Variants in EYA4 observed in about 807,000 individuals in gnomAD.
EYA4 encodes EYA transcriptional coactivator and phosphatase 4.
EYA4 carries 31 observed loss-of-function variants against 87.9 expected under a neutral mutation model. That is an observed-to-expected ratio of 0.35 (90% CI 0.27 to 0.48). EYA4 has a LOEUF of 0.48. Among genes scored for constraint, EYA4 ranks in the 20% least tolerant of loss-of-function variants. The pLI is 0.99. For synonymous variants in EYA4, 263 were observed against 270.6 expected (o/e 0.97, Z 0.28); for missense variants, 678 against 761.4 (o/e 0.89, Z 1.29).
intron 13 of EYA4, among the ~76,000 whole-genome samples, chr6:133,489,165 T>C (rs968987301): frequency 1.3e-5 from 2 of 151,908 alleles, no homozygotes; most frequent in Non-Finnish European, 2.9e-5. Flanking sequence ...AAAAAAGAAT[T>C]AGTGAGCTTG....
At chr6:133,424,942 A>G (rs921790137) in intron 3 of EYA4, among the ~76,000 whole-genome samples, 1 of 150,802 alleles carries the variant, frequency 6.6e-6, no homozygotes, top group Admixed American at 6.6e-5. Context: ...AACTACTGCC[A>G]TCACTACCAC....
chr6:133,521,326 A>G (rs1458778975), intron 17 of EYA4, among the ~76,000 whole-genome samples: 1 of 149,704 alleles, frequency 6.7e-6, no homozygotes, highest in Non-Finnish European at 1.5e-5. Context: ...ACACTTCTCT[A>G]AAGAAGACAT....
intron 2 of EYA4, among the ~76,000 whole-genome samples, chr6:133,319,254 A>G (rs1780862438): frequency 6.6e-6 from 1 of 152,234 alleles, no homozygotes; most frequent in Admixed American, 6.5e-5. Flanking sequence ...AAAGATAGAG[A>G]ATTTCAGAAC....
At chr6:133,485,724 G>A (rs1292945305) in intron 13 of EYA4, among the ~76,000 whole-genome samples, 3 of 152,188 alleles carry the variant, frequency 2.0e-5, no homozygotes, top group Admixed American at 1.3e-4. Context: ...CTTGGAATGT[G>A]TTTTCATCAA....
intron 2 of EYA4, among the ~76,000 whole-genome samples, chr6:133,301,705 C>T (rs763279204): frequency 2.0e-5 from 3 of 152,124 alleles, no homozygotes; most frequent in East Asian, 1.9e-4. Flanking sequence ...TAGTAAGTAT[C>T]GGAACTGGGA....
intron 17 of EYA4, among the ~76,000 whole-genome samples, chr6:133,516,218 G>A (rs898124802): frequency 6.6e-6 from 1 of 152,102 alleles, no homozygotes; most frequent in Non-Finnish European, 1.5e-5. Context: ...GGAAACAACA[G>A]ACACTGGGGC....
At chr6:133,288,571 AGGCCTGCTGG>A (rs202018341) in intron 2 of EYA4, among the ~76,000 whole-genome samples, 1,533 of 152,214 alleles carry the variant, frequency 0.01, 16 homozygotes, top group African/African-American at 0.031. Context: ...CAATTGGTGA[AGGCCTGCTGG>A]GCCATGGGGG....
chr6:133,499,868 C>T lies in EYA4; in HGVS notation c.1192-6238C>T, dbSNP rs373278901. The stretch of plus-strand genomic sequence containing the variant: ...GTGATCACGCTGGCTCAAGTCCAGC[C>T]GTCCTGTGGAAGCACCACAGAGGCT... On this transcript the variant is annotated intron_variant, in intron 13 of 19. Transcript: ENST00000355286. Among the ~76,000 whole-genome samples the T allele has an allele frequency of 1.4e-3, 219 of 151,938 alleles. No individual in the cohort carries two copies. The South Asian group carries it at 0.018, about 13-fold the overall frequency.
intron 11 of EYA4, 101 bp from the exon 12 acceptor site, chr6:133,481,362 G>A: frequency 1.7e-6 from 2 of 1,176,238 alleles, no homozygotes; most frequent in East Asian, 4.7e-5. Context: ...CCATCAGGAG[G>A]TTTCTATTGT....
intron 1 of EYA4, among the ~76,000 whole-genome samples, chr6:133,262,076 G>T (rs211442): frequency 0.13 from 20,506 of 151,994 alleles, 1,796 homozygotes; most frequent in East Asian, 0.22. Flanking sequence ...ACATTTCTAG[G>T]GTTTCAAGAG....
At chr6:133,292,249 A>G (rs1778548352) in intron 2 of EYA4, among the ~76,000 whole-genome samples, 1 of 152,206 alleles carries the variant, frequency 6.6e-6, no homozygotes, top group Admixed American at 6.5e-5. Flanking sequence ...ACTCATGATA[A>G]TTTCAGGTTA....
chr6:133,422,870 C>A (rs940788424), intron 3 of EYA4, among the ~76,000 whole-genome samples: 3 of 152,176 alleles, frequency 2.0e-5, no homozygotes, highest in Non-Finnish European at 2.9e-5. Flanking sequence ...CCTGTAAGGG[C>A]TTCCTGTCTT....
At chr6:133,434,427 G>T (rs1791464826) in intron 3 of EYA4, among the ~76,000 whole-genome samples, 1 of 152,192 alleles carries the variant, frequency 6.6e-6, no homozygotes, top group South Asian at 2.1e-4. Context: ...AGTGATTGTA[G>T]TAATAAAATT....
chr6:133,427,511 T>G (rs1231772378), intron 3 of EYA4, among the ~76,000 whole-genome samples: 1 of 152,250 alleles, frequency 6.6e-6, no homozygotes, highest in Admixed American at 6.5e-5. Flanking sequence ...ATGATATCTG[T>G]ATTTTGACAG....
At chr6:133,397,394 T>C (rs894670992) in intron 3 of EYA4, among the ~76,000 whole-genome samples, 14 of 152,208 alleles carry the variant, frequency 9.2e-5, no homozygotes, top group African/African-American at 2.9e-4. Flanking sequence ...TCTCTTTCCA[T>C]TCCATTTCCA....
intron 3 of EYA4, among the ~76,000 whole-genome samples, chr6:133,402,665 C>T (rs1353071400): frequency 6.6e-6 from 1 of 151,986 alleles, no homozygotes; most frequent in East Asian, 1.9e-4. Context: ...CATATGCTTA[C>T]ATCTCTGTCT....
intron 16 of EYA4, 134 bp downstream of exon 16, chr6:133,513,172 G>A (rs1484291990): frequency 3.4e-6 from 3 of 895,412 alleles, no homozygotes; most frequent in Non-Finnish European, 5.2e-6. Context: ...TGAGCCAGAA[G>A]TTTCTTAGAA....
chr6:133,505,120 T>C (rs1249035908), intron 13 of EYA4, among the ~76,000 whole-genome samples: 1 of 152,216 alleles, frequency 6.6e-6, no homozygotes, highest in Non-Finnish European at 1.5e-5. Flanking sequence ...TTTCTTTCTC[T>C]TATCTTCGGA....
intron 13 of EYA4, among the ~76,000 whole-genome samples, chr6:133,485,151 A>G (rs1452937147): frequency 2.0e-5 from 3 of 152,250 alleles, no homozygotes; most frequent in African/African-American, 7.2e-5. Context: ...CGTCATGGAA[A>G]TAAACCTGTC....
Sources: gnomAD v4.1 joint callset for allele counts (sites outside exome capture counted in the v4.1 genomes callset) on GRCh38, gnomAD v4.1.1 for gene constraint, MANE v1.5 for transcripts, NCBI Gene and HGNC (gene_info 2026-07-23, HGNC 2026-07-21) for gene names.